Variants in SP110 observed in about 807,000 individuals in gnomAD.
SP110 encodes SP110 nuclear body protein, also known as interferon-induced protein 41, 30kD.
SP110 carries 62 observed loss-of-function variants against 92.7 expected under a neutral mutation model. That is an observed-to-expected ratio of 0.67 (90% confidence interval 0.55 to 0.83). The LOEUF (loss-of-function observed/expected upper bound fraction) is 0.83, where lower values mean the gene tolerates loss of function less well. Among genes scored for constraint, SP110 ranks in the 40% least tolerant of loss-of-function variants. The pLI is 0.00. For synonymous variants in SP110, 273 were observed against 305.3 expected, an observed-to-expected ratio of 0.89 and a Z score of 1.10; for missense variants, 793 against 863.9, an observed-to-expected ratio of 0.92 and a Z score of 1.03.
chr2:230,193,223 T>C (rs2042715973), intron 10 of SP110, among the ~76,000 whole-genome samples: 1 of 152,222 alleles, frequency 6.6e-6, no homozygotes, highest in African/African-American at 2.4e-5. Flanking sequence ...TTCACCCTTA[T>C]ACCTTGAATT....
intron 3 of SP110, among the ~76,000 whole-genome samples, chr2:230,214,610 T>C (rs1263977453): frequency 6.6e-6 from 1 of 152,252 alleles, no homozygotes; most frequent in African/African-American, 2.4e-5. Context: ...CCTCCCTGGC[T>C]CTCCTTGTCC....
chr2:230,171,829 G>A, intron 16 of SP110, 62 bp from the exon 17 acceptor site: 2 of 1,310,352 alleles, frequency 1.5e-6, no homozygotes, highest in East Asian at 4.6e-5. Flanking sequence ...AGCCAGGCGA[G>A]TGTCTAGACA....
rs1574757707 is a variant in SP110, at chr2:230,212,541, G to A, written c.584-111C>T. Reference sequence around the variant, plus strand: ...GAGCATCAAGGCACAAGGGCAGAGGGTTGGAATGTCCCGGGAGTGGGAAGC... The same window carrying A: ...GAGCATCAAGGCACAAGGGCAGAGGATTGGAATGTCCCGGGAGTGGGAAGC... On this transcript the variant is annotated intron_variant, in intron 4 of 18. Transcript: ENST00000258381. 8 of 1,078,294 alleles carry A rather than the reference G, an allele frequency of 7.4e-6. No individual in the cohort carries two copies. In the East Asian group the frequency reaches 1.9e-4, roughly 25 times the overall value. The allele number at this position is 1,078,294 out of a possible 1,614,324, so 66.8% of individuals were successfully genotyped here.
intron 10 of SP110, among the ~76,000 whole-genome samples, chr2:230,198,797 C>T (rs2042993487): frequency 6.6e-6 from 1 of 152,062 alleles, no homozygotes; most frequent in Admixed American, 6.6e-5. Flanking sequence ...GGGGTTTCAC[C>T]ATGTTGGCCA....
chr2:230,196,990 C>G (rs1344878161), intron 10 of SP110, among the ~76,000 whole-genome samples: 1 of 152,094 alleles, frequency 6.6e-6, no homozygotes. Flanking sequence ...GTGAATAGTG[C>G]CACAATAAAC....
chr2:230,176,826 A>T, intron 14 of SP110: 1 of 1,213,260 alleles, frequency 8.2e-7, no homozygotes, highest in South Asian at 1.2e-5. Context: ...CCCAGACATC[A>T]CACTGGATCT....
At position 230,165,803 on chromosome 2, in the gene SP110, A is replaced by G. The variant is rs1020470974; in HGVS notation, c.*3321T>C. Among the ~76,000 whole-genome samples, 2 of 152,220 alleles carry G rather than the reference A, an allele frequency of 1.3e-5. No individual in the cohort carries two copies. The highest frequency in any genetic ancestry group is 4.8e-5 in the African/African-American group (2 of 41,466). On this transcript the variant is annotated 3_prime_UTR_variant, in exon 19 of 19. Transcript: ENST00000258381. ...AAGCCGTTACGATGCCTTCCAAAATAGAAGGCAGAAGAAAAAAAATAGACA... is the reference window on the plus strand; with the variant it reads ...AAGCCGTTACGATGCCTTCCAAAATGGAAGGCAGAAGAAAAAAAATAGACA...
At chr2:230,222,138 G>A (rs1213301696), upstream of SP110, among the ~76,000 whole-genome samples, 1 of 151,806 alleles carries the variant, frequency 6.6e-6, no homozygotes, top group Non-Finnish European at 1.5e-5. Context: ...GCTGAGGCAT[G>A]AGAATCGCTT....
intron 17 of SP110, 29 bp downstream of exon 17, chr2:230,171,667 A>G (rs1484169168): frequency 6.4e-7 from 1 of 1,572,638 alleles, no homozygotes; most frequent in South Asian, 1.1e-5. Flanking sequence ...AATGCATTTT[A>G]TGCAAGAGAA....
In SP110 at chr2:230,166,689, TG is replaced by T. The variant is rs2078315628; in HGVS notation, c.*2434del. Reference sequence around the variant, plus strand: ...TTCTGTTAACTTTTATTGTTGTACCTGGGGATTGAGCAAGTGAGTAAATAAT... The same window carrying T: ...TTCTGTTAACTTTTATTGTTGTACCTGGGATTGAGCAAGTGAGTAAATAAT... On this transcript the variant is annotated 3_prime_UTR_variant, in exon 19 of 19. Transcript: ENST00000258381. Among the ~76,000 whole-genome samples, 1 of 152,206 alleles carries T rather than the reference TG, an allele frequency of 6.6e-6. No individual in the cohort carries two copies. Among genetic ancestry groups the T allele is most frequent in the Non-Finnish European group, 1.5e-5 (1 of 68,046 alleles).
intron 14 of SP110, among the ~76,000 whole-genome samples, chr2:230,175,042 A>ATT (rs553007755): frequency 6.7e-6 from 1 of 149,180 alleles, no homozygotes; most frequent in Admixed American, 6.7e-5. Flanking sequence ...GATTTTAAAG[A>ATT]TTTTTTTTTT....
chr2:230,198,915 C>T (rs553424703), intron 10 of SP110, among the ~76,000 whole-genome samples: 1 of 152,162 alleles, frequency 6.6e-6, no homozygotes, highest in South Asian at 2.1e-4. Flanking sequence ...ATTTAGAGTC[C>T]TTCAGTGGAG....
chr2:230,196,383 TAC>T (rs1273981717), intron 10 of SP110, among the ~76,000 whole-genome samples: 1 of 152,010 alleles, frequency 6.6e-6, no homozygotes, highest in Non-Finnish European at 1.5e-5. Context: ...ATAACATTGA[TAC>T]AGAGATGATA....
At chr2:230,175,083 T>C (rs181102563) in intron 14 of SP110, among the ~76,000 whole-genome samples, 2 of 152,306 alleles carry the variant, frequency 1.3e-5, no homozygotes, top group East Asian at 1.9e-4. Flanking sequence ...ATGGTCATTA[T>C]AGTAATTCCA....
At chr2:230,178,541 T>C (rs1303532233) in intron 12 of SP110, among the ~76,000 whole-genome samples, 1 of 152,196 alleles carries the variant, frequency 6.6e-6, no homozygotes, top group Non-Finnish European at 1.5e-5. Context: ...TGGCTGTCAC[T>C]GAATAGTCTT....
intron 13 of SP110, 60 bp from the exon 14 acceptor site, chr2:230,177,740 T>C: frequency 6.4e-7 from 1 of 1,572,728 alleles, no homozygotes; most frequent in East Asian, 2.2e-5. Context: ...ACCCTGAACC[T>C]CTTCATCCTA....
intron 14 of SP110, chr2:230,176,325 G>A (rs1415574339): frequency 1.1e-5 from 5 of 459,592 alleles, no homozygotes; most frequent in Non-Finnish European, 1.8e-5. Flanking sequence ...GACTACAGGT[G>A]CACACCACCA....
intron 11 of SP110, 38 bp from the exon 12 acceptor site, chr2:230,183,678 A>T: frequency 8.1e-7 from 1 of 1,236,480 alleles, no homozygotes; most frequent in Non-Finnish European, 1.2e-6. Flanking sequence ...AGCTACAAAC[A>T]TAGATTTATA....
At chr2:230,224,788 G>C (rs1005154571), upstream of SP110, among the ~76,000 whole-genome samples, 6 of 152,166 alleles carry the variant, frequency 3.9e-5, no homozygotes, top group African/African-American at 1.4e-4. Flanking sequence ...CCTCACTACT[G>C]TTCTGTCACT....
Sources: allele counts gnomAD v4.1 joint callset (sites outside exome capture counted in the v4.1 genomes callset), GRCh38; gene constraint gnomAD v4.1.1; transcripts MANE v1.5; gene names NCBI Gene and HGNC (gene_info 2026-07-23, HGNC 2026-07-21).